Variants in SCAPER observed in about 807,000 individuals in gnomAD.
The protein encoded by SCAPER is S phase cyclin A-associated protein in the endoplasmic reticulum.
SCAPER carries 98 observed loss-of-function variants against 182.2 expected under a neutral mutation model. The ratio of observed to expected loss-of-function variants is 0.54; its 90% CI spans 0.46 to 0.64. The LOEUF (loss-of-function observed/expected upper bound fraction) is 0.64. Among genes scored for constraint, SCAPER ranks in the 30% least tolerant of loss-of-function variants. The pLI is 0.00. For synonymous variants in SCAPER, 605 were observed against 564.6 expected, an observed-to-expected ratio of 1.07 and a Z score of -1.01; for missense variants, 1,432 against 1,690.0, an observed-to-expected ratio of 0.85 and a Z score of 2.68.
intron 23 of SCAPER, among the ~76,000 whole-genome samples, chr15:76,545,518 T>C (rs887467631): frequency 2.6e-5 from 4 of 152,128 alleles, no homozygotes; most frequent in African/African-American, 9.7e-5. Context: ...CCTCTGGCCA[T>C]TGAGAGTAAC....
intron 27 of SCAPER, among the ~76,000 whole-genome samples, chr15:76,403,403 A>T (rs2044606726): frequency 6.6e-6 from 1 of 152,170 alleles, no homozygotes; most frequent in African/African-American, 2.4e-5. Flanking sequence ...GGCTTCCCTG[A>T]CTTCTCTAGA....
intron 26 of SCAPER, among the ~76,000 whole-genome samples, chr15:76,431,361 C>T (rs1301186500): frequency 6.6e-6 from 1 of 151,966 alleles, no homozygotes; most frequent in Non-Finnish European, 1.5e-5. Flanking sequence ...AAAATATTTC[C>T]AAGAATGGCT....
At chr15:76,494,070 C>A (rs949079064) in intron 24 of SCAPER, among the ~76,000 whole-genome samples, 1 of 152,058 alleles carries the variant, frequency 6.6e-6, no homozygotes, top group Non-Finnish European at 1.5e-5. Context: ...ATAAATTTTA[C>A]CCTAACTGGC....
chr15:76,625,929 C>T lies in SCAPER; in HGVS notation c.2646-4100G>A, dbSNP rs571369263. Among the ~76,000 whole-genome samples, 6 of 152,114 alleles carry T rather than the reference C, an allele frequency of 3.9e-5. 1 individual carries two copies. The highest frequency in any genetic ancestry group is 1.4e-4 in the African/African-American group (6 of 41,454). ...AATCTTTTGGCTTCCCTGGCCACAA[C>T]GGAAGAAGAAGAACTGTCTGGGGCC... is the stretch of plus-strand genomic sequence containing the variant. On this transcript the variant is annotated intron_variant, in intron 21 of 31. Coordinates refer to ENST00000563290, the MANE Select transcript of SCAPER (RefSeq NM_020843.4).
chr15:76,428,947 C>T (rs1001522453), intron 26 of SCAPER, among the ~76,000 whole-genome samples: 2 of 141,782 alleles, frequency 1.4e-5, no homozygotes, highest in East Asian at 2.2e-4. Flanking sequence ...GGTGTAGCAG[C>T]GTCCCCATCC....
At chr15:76,392,486 A>C (rs1174460168) in intron 27 of SCAPER, among the ~76,000 whole-genome samples, 1 of 152,176 alleles carries the variant, frequency 6.6e-6, no homozygotes, top group East Asian at 1.9e-4. Context: ...CTGCAATCCC[A>C]ACACTCTGGG....
At chr15:76,458,231 CAT>C (rs2048887842) in intron 25 of SCAPER, among the ~76,000 whole-genome samples, 3 of 151,970 alleles carry the variant, frequency 2.0e-5, no homozygotes, top group Non-Finnish European at 2.9e-5. Context: ...CACACACACA[CAT>C]ATACCCACAC....
At chr15:76,873,274 A>G (rs937459442) in intron 2 of SCAPER, among the ~76,000 whole-genome samples, 11 of 105,592 alleles carry the variant, frequency 1.0e-4, no homozygotes, top group African/African-American at 4.0e-4. Context: ...AAAGAAAGGA[A>G]AAGGAAGGAA....
At chr15:76,873,019 G>A (rs1020966264) in intron 2 of SCAPER, among the ~76,000 whole-genome samples, 1 of 150,890 alleles carries the variant, frequency 6.6e-6, no homozygotes, top group East Asian at 1.9e-4. Context: ...GGAGACTAAG[G>A]TGGGAGTATC....
chr15:76,714,874 C>G (rs892785788), intron 17 of SCAPER, among the ~76,000 whole-genome samples: 47 of 152,142 alleles, frequency 3.1e-4, no homozygotes, highest in Middle Eastern at 3.4e-3. Context: ...CCTGATTTAA[C>G]ATTAGAAAAA....
intron 21 of SCAPER, among the ~76,000 whole-genome samples, chr15:76,647,548 A>C (rs1371325695): frequency 6.6e-6 from 1 of 152,230 alleles, no homozygotes; most frequent in African/African-American, 2.4e-5. Context: ...GCATACATGT[A>C]AGTCTGAGCT....
intron 22 of SCAPER, among the ~76,000 whole-genome samples, chr15:76,603,520 G>T (rs140995536): frequency 8.2e-6 from 1 of 121,954 alleles, no homozygotes; most frequent in Non-Finnish European, 2.0e-5. Context: ...ACAGCAGCAT[G>T]ATTTATAATC....
intron 23 of SCAPER, 147 bp downstream of exon 23, chr15:76,574,011 T>TA (rs560720287): frequency 0.016 from 10,294 of 659,026 alleles, no homozygotes; most frequent in Non-Finnish European, 0.017. Context: ...AGAACAAAAG[T>TA]AAAAAAAAAA....
Position 76,543,209 on chromosome 15 carries a change from G to A in SCAPER, c.2838+30949C>T, listed in dbSNP as rs1440856784. Among the ~76,000 whole-genome samples the A allele has an allele frequency of 5.3e-5, 8 of 152,144 alleles. No individual in the cohort carries two copies. In the South Asian group the frequency reaches 1.0e-3, roughly 20 times the overall value. ...TTACTGCATGCAAAGGAAACCATTCGCAACTATATGAATTATTTTGATGCT... is the reference window on the plus strand; with the variant it reads ...TTACTGCATGCAAAGGAAACCATTCACAACTATATGAATTATTTTGATGCT... On this transcript the variant is annotated intron_variant, in intron 23 of 31. Coordinates refer to ENST00000563290, the MANE Select transcript of SCAPER (RefSeq NM_020843.4).
intron 22 of SCAPER, among the ~76,000 whole-genome samples, chr15:76,612,269 C>T (rs73457046): frequency 6.6e-6 from 1 of 152,154 alleles, no homozygotes. Context: ...CAGGGTTTCA[C>T]TCTGGTTGCC....
At position 76,593,628 on chromosome 15, in the gene SCAPER, C is replaced by G. The variant is rs1216255604; in HGVS notation, c.2712-19344G>C. Among the ~76,000 whole-genome samples, 2 of 121,074 alleles carry G rather than the reference C, an allele frequency of 1.7e-5. 1 individual carries two copies. The highest frequency in any genetic ancestry group is 4.0e-5 in the Non-Finnish European group (2 of 49,692). 79.4% of individuals were successfully genotyped at this position (121,074 alleles called of 152,430 possible). The stretch of plus-strand genomic sequence containing the variant: ...GAGACAAAGCCTCCAGAGGAAAAAA[C>G]AGACAGCAATCTTTGCTGTTCTGCA... On this transcript the variant is annotated intron_variant, in intron 22 of 31. Transcript: ENST00000563290.
rs565783763 is a variant in SCAPER at position 76,734,803 on chromosome 15, T to C, written c.1867-1419A>G. ...CAGAGAACTGCTTGAACCCGGGAGG[T>C]AGGGGTTGTAGTGAACCAAGATCGC... On this transcript the variant is annotated intron_variant, in intron 15 of 31. Coordinates refer to ENST00000563290, the MANE Select transcript of SCAPER (RefSeq NM_020843.4). Among the ~76,000 whole-genome samples the C allele has an allele frequency of 6.6e-5, 10 of 151,648 alleles. 1 individual carries two copies. In the East Asian group the frequency reaches 1.4e-3, roughly 21 times the overall value.
intron 23 of SCAPER, among the ~76,000 whole-genome samples, chr15:76,532,593 T>C (rs1461042897): frequency 6.6e-6 from 1 of 152,198 alleles, no homozygotes; most frequent in Non-Finnish European, 1.5e-5. Context: ...CACTCATTAA[T>C]TTTTTCAGAA....
At chr15:76,719,451 G>A (rs1276026856) in intron 17 of SCAPER, among the ~76,000 whole-genome samples, 1 of 152,142 alleles carries the variant, frequency 6.6e-6, no homozygotes, top group Middle Eastern at 3.2e-3. Context: ...AGATATGTAA[G>A]ATGAACAAGT....
Sources: gnomAD v4.1 joint callset for allele counts (sites outside exome capture counted in the v4.1 genomes callset) on GRCh38, gnomAD v4.1.1 for gene constraint, MANE v1.5 for transcripts, NCBI Gene and HGNC (gene_info 2026-07-23, HGNC 2026-07-21) for gene names.